PNOC: variants seen among roughly 807,000 people sequenced by gnomAD.
PNOC encodes prepronociceptin.
PNOC carries 10 observed loss-of-function variants against 15.6 expected under a neutral mutation model. The observed-to-expected ratio is 0.64, with a 90% CI of 0.40 to 1.09. PNOC has a LOEUF of 1.09. Ranked by LOEUF, PNOC falls within the 50% of genes least tolerant of loss-of-function variation. The pLI is 0.01. For missense variants in PNOC, 220 were observed against 223.9 expected (o/e 0.98, Z 0.11); for synonymous variants, 98 against 88.5 (o/e 1.11, Z -0.60).
intron 1 of PNOC, among the ~76,000 whole-genome samples, chr8:28,319,656 G>A (rs1393769751): frequency 1.3e-5 from 2 of 152,176 alleles, no homozygotes; most frequent in African/African-American, 2.4e-5. Flanking sequence ...TCAGGTGAGC[G>A]TTCTCTACTT....
chr8:28,324,493 G>A (rs1801193806), intron 1 of PNOC, among the ~76,000 whole-genome samples: 1 of 152,154 alleles, frequency 6.6e-6, no homozygotes, highest in South Asian at 2.1e-4. Context: ...CTGCCACCAT[G>A]TGGCTGTAGA....
chr8:28,320,092 CTTTTTTT>C (rs34876964), intron 1 of PNOC, among the ~76,000 whole-genome samples: 1,096 of 29,540 alleles, frequency 0.037, 7 homozygotes, highest in African/African-American at 0.13. Context: ...TTCTTTCTTT[CTTTTTTT>C]TTTTTTTTTT....
Position 28,319,920 on chromosome 8 carries a change from G to T in PNOC, c.-24+2604G>T, listed in dbSNP as rs564349624. On this transcript the variant is annotated intron_variant, in intron 1 of 3. Transcript: ENST00000301908. ...ACGCCTTTATTTAAATCCCACAGTC[G>T]AACATAAAGTTTTCCATCTAATCAC... Among the ~76,000 whole-genome samples, 34 of 152,034 alleles carry T rather than the reference G, an allele frequency of 2.2e-4. No individual in the cohort carries two copies. In the South Asian group the frequency reaches 6.9e-3, roughly 31 times the overall value.
intron 2 of PNOC, among the ~76,000 whole-genome samples, chr8:28,337,353 A>G (rs988826461): frequency 5.3e-5 from 8 of 152,132 alleles, no homozygotes; most frequent in Non-Finnish European, 7.3e-5. Flanking sequence ...CCCAGGCTGG[A>G]GTGCAGTGAC....
chr8:28,322,440 G>A (rs1190725752), intron 1 of PNOC, among the ~76,000 whole-genome samples: 1 of 152,088 alleles, frequency 6.6e-6, no homozygotes, highest in African/African-American at 2.4e-5. Context: ...CATCAGACAG[G>A]GAGTACAGAC....
At chr8:28,328,587 A>T (rs1214153982) in intron 1 of PNOC, among the ~76,000 whole-genome samples, 1 of 152,162 alleles carries the variant, frequency 6.6e-6, no homozygotes, top group Non-Finnish European at 1.5e-5. Context: ...CATTTGAGTC[A>T]TTAATAAATG....
chr8:28,324,941 G>C (rs1206236959), intron 1 of PNOC, among the ~76,000 whole-genome samples: 2 of 152,088 alleles, frequency 1.3e-5, no homozygotes, highest in African/African-American at 4.8e-5. Flanking sequence ...TATTCTTATT[G>C]CCTGTCAGTT....
intron 1 of PNOC, among the ~76,000 whole-genome samples, chr8:28,323,201 G>C (rs2129849774): frequency 6.6e-6 from 1 of 152,332 alleles, no homozygotes; most frequent in African/African-American, 2.4e-5. Flanking sequence ...CCAAGCCATA[G>C]TGGTATTTTA....
chr8:28,324,238 C>T (rs11779594), intron 1 of PNOC, among the ~76,000 whole-genome samples: 4,934 of 152,270 alleles, frequency 0.032, 123 homozygotes, highest in Non-Finnish European at 0.048. Context: ...TTATACCTCG[C>T]CCTTAAATCC....
chr8:28,319,280 T>G (rs1801108874), intron 1 of PNOC, among the ~76,000 whole-genome samples: 1 of 152,090 alleles, frequency 6.6e-6, no homozygotes, highest in South Asian at 2.1e-4. Context: ...GAACTCATAG[T>G]GGGGTCGGGG....
chr8:28,330,400 T>TTTTTTTTTTTTTA (rs869258665), intron 2 of PNOC, among the ~76,000 whole-genome samples: 38 of 102,236 alleles, frequency 3.7e-4, no homozygotes, highest in Non-Finnish European at 5.7e-4. Flanking sequence ...TATTTTATTT[T>TTTTTTTTTTTTTA]TTTTTTTTTT....
In PNOC at chr8:28,339,222, C is replaced by T. The variant is rs997644774; in HGVS notation, c.309C>T (p.Ser103=). ...TGCGGCGAATGCCCCGAGTCCGGAGCTTGTTCCAGGAGCAGGAAGAGCCCG... is the reference window on the plus strand; with the variant it reads ...TGCGGCGAATGCCCCGAGTCCGGAGTTTGTTCCAGGAGCAGGAAGAGCCCG... The part of the protein sequence containing the change: ...QHLRRMPRVR[S]LFQEQEEPEP... The change falls in exon 3 of 4, where the codon AGC becomes AGT. Residue 103 remains serine, a synonymous_variant. Transcript: ENST00000301908. 3.7e-6 allele frequency: 6 copies of T among 1,612,144 alleles called. No individual in the cohort carries two copies. The African/African-American group carries it at 8.0e-5, about 22-fold the overall frequency.
Position 28,342,964 on chromosome 8 carries a change from A to G in PNOC, c.*70A>G. On this transcript the variant is annotated 3_prime_UTR_variant, in exon 4 of 4. Coordinates refer to ENST00000301908, the MANE Select transcript of PNOC (RefSeq NM_006228.5). ...CAGGCGTCCAGGTGATCCCCCAAAC[A>G]GCATGTGCTCAGCCCCAGACCTGCC... 1.0e-6 allele frequency: 1 copy of G among 985,370 alleles called. No individual in the cohort carries two copies. Among genetic ancestry groups the G allele is most frequent in the South Asian group, 4.7e-5 (1 of 21,284 alleles). 61.0% of individuals were successfully genotyped at this position (985,370 alleles called of 1,614,324 possible). A position where few individuals can be genotyped will look rare whatever the true frequency, so the allele number is the denominator to read the frequency against.
At chr8:28,330,441 C>T (rs1801312436) in intron 2 of PNOC, among the ~76,000 whole-genome samples, 1 of 113,654 alleles carries the variant, frequency 8.8e-6, no homozygotes, top group African/African-American at 3.2e-5. Flanking sequence ...GTCGCCCAGG[C>T]TGGAGTGCAG....
intron 2 of PNOC, among the ~76,000 whole-genome samples, chr8:28,337,124 C>A (rs943961726): frequency 6.6e-6 from 1 of 152,162 alleles, no homozygotes; most frequent in African/African-American, 2.4e-5. Flanking sequence ...CTCTGCCAGT[C>A]GGCAGCTTCT....
rs866341008 is a variant in PNOC at position 28,321,206 on chromosome 8, A to T, written c.-24+3890A>T. ...GATGTGCACCACCACACCTAGCTAAATTTTTTTTTTTTTTTTTTTTTGTAG... is the reference window on the plus strand; with the variant it reads ...GATGTGCACCACCACACCTAGCTAATTTTTTTTTTTTTTTTTTTTTTGTAG... On this transcript the variant is annotated intron_variant, in intron 1 of 3. Transcript: ENST00000301908. Among the ~76,000 whole-genome samples the T allele has an allele frequency of 3.3e-3, 406 of 122,790 alleles. 2 individuals carry two copies. The highest frequency in any genetic ancestry group is 0.012 in the African/African-American group (379 of 32,128). The allele number at this position is 122,790 out of a possible 152,430, so 80.6% of individuals were successfully genotyped here.
In PNOC at chr8:28,329,293, C is replaced by A; in HGVS notation, c.126+10C>A. The A allele has an allele frequency of 1.2e-6, 2 of 1,612,256 alleles. No homozygotes were observed. The highest frequency in any genetic ancestry group is 1.7e-6 in the Non-Finnish European group (2 of 1,180,004). ...CAGCTTCGACCTGGAGGTAGGTCTC[C>A]AAGGCAAGGCAGAGAGGCTGTCCTC... On this transcript the variant is annotated intron_variant, in intron 2 of 3. Transcript: ENST00000301908.
At chr8:28,337,637 C>T (rs1315373498) in intron 2 of PNOC, among the ~76,000 whole-genome samples, 1 of 137,224 alleles carries the variant, frequency 7.3e-6, no homozygotes, top group African/African-American at 2.7e-5. Flanking sequence ...GCGTCAAGTG[C>T]AGTGGCACGA....
At chr8:28,334,458 A>G (rs1801380297) in intron 2 of PNOC, among the ~76,000 whole-genome samples, 1 of 152,064 alleles carries the variant, frequency 6.6e-6, no homozygotes, top group Admixed American at 6.6e-5. Flanking sequence ...AGAATCTCCA[A>G]TGCTTTAGGC....
Sources: allele counts gnomAD v4.1 joint callset (sites outside exome capture counted in the v4.1 genomes callset), GRCh38; gene constraint gnomAD v4.1.1; transcripts MANE v1.5; gene names NCBI Gene and HGNC (gene_info 2026-07-23, HGNC 2026-07-21).